The following PLAGL1 variants were observed in gnomAD, a reference collection of about 807,000 sequenced individuals.
PLAGL1 encodes PLAG1 like zinc finger 1, also known as zinc finger protein PLAGL1.
A neutral mutation model predicts 4.6 loss-of-function variants in PLAGL1; 1 was observed. The ratio of observed to expected loss-of-function variants is 0.22; its 90% CI spans 0.08 to 1.03. The LOEUF (loss-of-function observed/expected upper bound fraction) is 1.03. PLAGL1 is among the 50% of genes least tolerant of loss of function. The pLI is 0.58. For synonymous variants in PLAGL1, 240 were observed against 237.8 expected, an observed-to-expected ratio of 1.01 and a Z score of -0.08; for missense variants, 464 against 570.4, an observed-to-expected ratio of 0.81 and a Z score of 1.90.
At position 144,006,489 on chromosome 6, in the gene PLAGL1, G is replaced by T. The variant is rs1203116559; in HGVS notation, c.-584+1601C>A. ...ACTTTTTTTCTTTACTACTTTTAAT[G>T]CCTATACATGCATCCCTAAACAACA... is the stretch of plus-strand genomic sequence containing the variant. On this transcript the variant is annotated intron_variant, in intron 1 of 7. Transcript: ENST00000674357. The surrounding 1 kb of genome is among the most constrained non-coding windows in gnomAD (Gnocchi z 4.3). 6.6e-6 allele frequency: 1 copy of T among 151,886 alleles called. No homozygotes were observed. Among genetic ancestry groups the T allele is most frequent in the African/African-American group, 2.4e-5 (1 of 41,324 alleles). 9.4% of individuals were successfully genotyped at this position (151,886 alleles called of 1,614,324 possible). A position where few individuals can be genotyped will look rare whatever the true frequency, so the allele number is the denominator to read the frequency against.
intron 1 of PLAGL1, among the ~76,000 whole-genome samples, chr6:144,033,227 G>A (rs548075141): frequency 1.2e-4 from 19 of 152,242 alleles, no homozygotes; most frequent in Non-Finnish European, 2.4e-4. Context: ...AATATACAAA[G>A]AATGGTGAGA....
chr6:143,946,407 C>T (rs1779803378), intron 7 of PLAGL1, among the ~76,000 whole-genome samples: 1 of 152,188 alleles, frequency 6.6e-6, no homozygotes, highest in Non-Finnish European at 1.5e-5. Context: ...GACGCTTACC[C>T]TCCGCACACG....
chr6:144,024,843 A>T lies in PLAGL1; in HGVS notation c.-151+39625T>A, dbSNP rs1796225019. ...GAATTATAGCCCAAAGTATAAAATA[A>T]ATATCCATGTATATCAGTATGATCC... On this transcript the variant is annotated intron_variant, in intron 1 of 3. Transcript: ENST00000437412. Among the ~76,000 whole-genome samples, 3 of 152,234 alleles carry T rather than the reference A, an allele frequency of 2.0e-5. No individual in the cohort carries two copies. In the South Asian group the frequency reaches 6.2e-4, roughly 32 times the overall value.
rs1781381825 is a variant in PLAGL1 at position 143,952,992 on chromosome 6, C to T, written c.-324-4532G>A. 6.6e-6 allele frequency among the ~76,000 whole-genome samples: 1 copy of T among 152,240 alleles called. No individual in the cohort carries two copies. Among genetic ancestry groups the T allele is most frequent in the Admixed American group, 6.5e-5 (1 of 15,292 alleles). On this transcript the variant is annotated intron_variant, in intron 6 of 7. Coordinates refer to ENST00000674357, the MANE Select transcript of PLAGL1 (RefSeq NM_001317162.2). This position sits in a 1 kb window ranked among gnomAD's most constrained non-coding sequence, Gnocchi z 6.1. ...CTGCCATGGCTGCAGACCTCACTCC[C>T]ATCATGGCCGGAAGGCAAGGCCAAG...
At chr6:144,010,084 G>A (rs1283132290), upstream of PLAGL1, among the ~76,000 whole-genome samples, 1 of 152,126 alleles carries the variant, frequency 6.6e-6, no homozygotes, top group East Asian at 1.9e-4. This position sits in a 1 kb window ranked among gnomAD's most constrained non-coding sequence, Gnocchi z 4.1. Context: ...GATCCTTGAG[G>A]AATTGCCACA....
At chr6:144,002,325 ATAG>A (rs552372652) in intron 1 of PLAGL1, among the ~76,000 whole-genome samples, 5 of 152,222 alleles carry the variant, frequency 3.3e-5, no homozygotes, top group Non-Finnish European at 7.4e-5. Context: ...ATCACCCTTA[ATAG>A]TGAAATATTG....
chr6:144,058,881 T>C (rs1238403761), intron 1 of PLAGL1, among the ~76,000 whole-genome samples: 1 of 151,632 alleles, frequency 6.6e-6, no homozygotes, highest in African/African-American at 2.4e-5. Context: ...CAGGCTGGAG[T>C]TGAGTGTCTG....
At chr6:143,969,749 A>C (rs1785075008) in intron 2 of PLAGL1, among the ~76,000 whole-genome samples, 1 of 152,098 alleles carries the variant, frequency 6.6e-6, no homozygotes, top group African/African-American at 2.4e-5. Flanking sequence ...GGGAGGGAAG[A>C]AAAAGCCACT....
chr6:144,060,512 A>G (rs1249575751), intron 1 of PLAGL1, among the ~76,000 whole-genome samples: 3 of 152,196 alleles, frequency 2.0e-5, no homozygotes, highest in Admixed American at 6.5e-5. Flanking sequence ...TTGATTGAGA[A>G]GGTTAAAAAT....
intron 1 of PLAGL1, among the ~76,000 whole-genome samples, chr6:144,017,751 C>T (rs879472155): frequency 3.9e-5 from 6 of 152,184 alleles, no homozygotes; most frequent in South Asian, 2.1e-4. Context: ...ATGGCAAACC[C>T]GTAGACTTCA....
intron 1 of PLAGL1, among the ~76,000 whole-genome samples, chr6:143,999,277 T>A (rs1447804268): frequency 2.0e-5 from 3 of 152,166 alleles, no homozygotes; most frequent in Non-Finnish European, 4.4e-5. Flanking sequence ...TCAGGATTGA[T>A]CCTAATTGAC....
Position 143,975,596 on chromosome 6 carries a change from T to C in PLAGL1, c.-543-6618A>G, listed in dbSNP as rs1482590016. Among the ~76,000 whole-genome samples the C allele has an allele frequency of 6.6e-6, 1 of 152,156 alleles. No individual in the cohort carries two copies. The highest frequency in any genetic ancestry group is 2.4e-5 in the African/African-American group (1 of 41,444). ...TTCTTTTAAAGAAAAAGACATAAAA[T>C]TTAACATTCAGTCTCTAGATTGCAT... On this transcript the variant is annotated intron_variant, in intron 2 of 7. Coordinates refer to ENST00000674357, the MANE Select transcript of PLAGL1 (RefSeq NM_001317162.2). The surrounding 1 kb of genome is among the most constrained non-coding windows in gnomAD (Gnocchi z 5.8).
intron 7 of PLAGL1, among the ~76,000 whole-genome samples, chr6:143,946,852 G>A (rs572555834): frequency 9.2e-5 from 14 of 152,334 alleles, no homozygotes; most frequent in African/African-American, 1.2e-4. Flanking sequence ...AAAGCAGCAC[G>A]TGTGAGTGGA....
rs936761688 is a variant in PLAGL1, at chr6:144,063,651, C to CT, written c.-151+816dup. ...CTGCCATAGTTGTCACTTCACTTGG[C>CT]TTTTTCAATAAAATGAACAGGTCCC... On this transcript the variant is annotated intron_variant, in intron 1 of 3. Transcript: ENST00000437412. The surrounding 1 kb of genome is among the most constrained non-coding windows in gnomAD (Gnocchi z 5.7). Among the ~76,000 whole-genome samples, 13 of 152,326 alleles carry CT rather than the reference C, an allele frequency of 8.5e-5. No individual in the cohort carries two copies. Among genetic ancestry groups the CT allele is most frequent in the African/African-American group, 2.9e-4 (12 of 41,580 alleles).
At position 143,990,442 on chromosome 6, in the gene PLAGL1, C is replaced by T. The variant is rs926333197; in HGVS notation, c.-583-5268G>A. On this transcript the variant is annotated intron_variant, in intron 1 of 7. Coordinates refer to ENST00000674357, the MANE Select transcript of PLAGL1 (RefSeq NM_001317162.2). This position sits in a 1 kb window ranked among gnomAD's most constrained non-coding sequence, Gnocchi z 5.4. ...CTGATATTCCTCAATTTTTAAAGAACAAAACCTTCATTGACCTCCTGGTCC... is the reference window on the plus strand; with the variant it reads ...CTGATATTCCTCAATTTTTAAAGAATAAAACCTTCATTGACCTCCTGGTCC... Among the ~76,000 whole-genome samples the T allele has an allele frequency of 1.3e-5, 2 of 152,028 alleles. No individual in the cohort carries two copies. Among genetic ancestry groups the T allele is most frequent in the Non-Finnish European group, 2.9e-5 (2 of 67,980 alleles).
In PLAGL1 at chr6:143,940,915, TG is replaced by T. The variant is rs1778438586; in HGVS notation, c.*508del. On this transcript the variant is annotated 3_prime_UTR_variant, in exon 8 of 8. Coordinates refer to ENST00000674357, the MANE Select transcript of PLAGL1 (RefSeq NM_001317162.2). Reference sequence around the variant, plus strand: ...TATATGTAAAACTACAGGTTGGCTATGGTAATAGTAACTAAACTACATCCAA... The same window carrying T: ...TATATGTAAAACTACAGGTTGGCTATGTAATAGTAACTAAACTACATCCAA... 6.5e-6 allele frequency: 1 copy of T among 152,742 alleles called. No individual in the cohort carries two copies. The highest frequency in any genetic ancestry group is 1.5e-5 in the Non-Finnish European group (1 of 68,086). 9.5% of individuals were successfully genotyped at this position (152,742 alleles called of 1,614,324 possible).
rs1884402 is a variant in PLAGL1, at chr6:143,972,042, C to T, written c.-543-3064G>A. 0.71 allele frequency among the ~76,000 whole-genome samples: 108,303 copies of T among 152,184 alleles called. 38,975 individuals carry two copies. Among genetic ancestry groups the T allele is most frequent in the East Asian group, 0.87 (4,528 of 5,180 alleles). On this transcript the variant is annotated intron_variant, in intron 2 of 7. Coordinates refer to ENST00000674357, the MANE Select transcript of PLAGL1 (RefSeq NM_001317162.2). The surrounding 1 kb of genome is among the most constrained non-coding windows in gnomAD (Gnocchi z 6.8). ...CAAAAAAGGGCATAATAGTTCTCTG[C>T]AGAGGAAGAATTTTAAAAAGCAATA...
At position 143,953,112 on chromosome 6, in the gene PLAGL1, G is replaced by A. The variant is rs1428557406; in HGVS notation, c.-324-4652C>T. ...TGTCCTGGGAACCCTTGTCTACCTGGCAAACTTCTACTTTTCTCTGTCACT... is the reference window on the plus strand; with the variant it reads ...TGTCCTGGGAACCCTTGTCTACCTGACAAACTTCTACTTTTCTCTGTCACT... On this transcript the variant is annotated intron_variant, in intron 6 of 7. Transcript: ENST00000674357. The surrounding 1 kb of genome is among the most constrained non-coding windows in gnomAD (Gnocchi z 5.3). Among the ~76,000 whole-genome samples the A allele has an allele frequency of 6.6e-6, 1 of 152,162 alleles. No individual in the cohort carries two copies. Among genetic ancestry groups the A allele is most frequent in the Non-Finnish European group, 1.5e-5 (1 of 68,036 alleles).
chr6:143,964,311 G>C lies in PLAGL1; in HGVS notation c.-399+476C>G, dbSNP rs1040340951. On this transcript the variant is annotated intron_variant, in intron 5 of 7. Transcript: ENST00000674357. The surrounding 1 kb of genome is among the most constrained non-coding windows in gnomAD (Gnocchi z 4.3). ...TAAATCACTACTTTGATAAACTGAA[G>C]GTCAGAGGTGGGTTCCTCATCTTCC... is the stretch of plus-strand genomic sequence containing the variant. 3.3e-5 allele frequency among the ~76,000 whole-genome samples: 5 copies of C among 152,170 alleles called. No individual in the cohort carries two copies. Among genetic ancestry groups the C allele is most frequent in the African/African-American group, 1.2e-4 (5 of 41,438 alleles).
Sources: allele counts gnomAD v4.1 joint callset (sites outside exome capture counted in the v4.1 genomes callset), GRCh38; gene constraint gnomAD v4.1.1; non-coding constraint Gnocchi (gnomAD v3.1); transcripts MANE v1.5; gene names NCBI Gene and HGNC (gene_info 2026-07-23, HGNC 2026-07-21).